The following DIAPH2 variants were observed in gnomAD, a reference collection of about 807,000 sequenced individuals.
The protein encoded by DIAPH2 is diaphanous related formin 2.
A neutral mutation model predicts 92.7 loss-of-function variants in DIAPH2; 35 were observed. The observed-to-expected ratio is 0.38, with a 90% confidence interval of 0.29 to 0.50. The LOEUF (loss-of-function observed/expected upper bound fraction) is 0.50. DIAPH2 is among the 20% of genes least tolerant of loss of function. The pLI, the probability that DIAPH2 is intolerant of heterozygous loss-of-function variation, is 0.94. For synonymous variants in DIAPH2, 301 were observed against 280.4 expected (o/e 1.07, Z -0.73); for missense variants, 701 against 819.5 (o/e 0.86, Z 1.77).
chrX:97,334,847 G>A (rs2069038702), intron 23 of DIAPH2, among the ~76,000 whole-genome samples: 1 of 107,602 alleles, frequency 9.3e-6, no homozygotes, highest in South Asian at 4.2e-4. Context: ...CGGGTGTGGT[G>A]GCAGGCGCCT....
chrX:97,082,820 T>A (rs1260141116), intron 19 of DIAPH2, among the ~76,000 whole-genome samples: 5 of 111,541 alleles, frequency 4.5e-5, no homozygotes, highest in Non-Finnish European at 7.5e-5. Context: ...GCCTAAGAGA[T>A]TCAGGGTACA....
chrX:96,824,425 G>A (rs758643326), intron 4 of DIAPH2, among the ~76,000 whole-genome samples: 1 of 109,807 alleles, frequency 9.1e-6, no homozygotes, highest in Non-Finnish European at 1.9e-5. Flanking sequence ...ACATCTTCCC[G>A]TCTGCTCTTC....
chrX:97,440,516 C>T (rs147383099), intron 26 of DIAPH2, among the ~76,000 whole-genome samples: 1,115 of 104,193 alleles, frequency 0.011, 14 homozygotes, highest in African/African-American at 0.037. Flanking sequence ...CGCTTGAACC[C>T]GGGAGGTGGA....
intron 23 of DIAPH2, among the ~76,000 whole-genome samples, chrX:97,261,435 A>C (rs2068287217): frequency 1.8e-5 from 2 of 112,512 alleles, no homozygotes; most frequent in Admixed American, 1.9e-4. Context: ...CTCTCAATTT[A>C]TGACTGATTC....
At chrX:96,857,606 C>T (rs1056860733) in intron 4 of DIAPH2, among the ~76,000 whole-genome samples, 1 of 112,058 alleles carries the variant, frequency 8.9e-6, no homozygotes, top group African/African-American at 3.2e-5. Flanking sequence ...ACATACATTT[C>T]GAAAGTTATG....
intron 17 of DIAPH2, among the ~76,000 whole-genome samples, chrX:96,996,858 A>G (rs1424889754): frequency 8.9e-6 from 1 of 112,368 alleles, no homozygotes; most frequent in African/African-American, 3.2e-5. Flanking sequence ...TTAGATACCC[A>G]CAGTTTGATC....
At chrX:96,754,923 CAAAAAAAAAAAAAAAA>C (rs1007573600) in intron 3 of DIAPH2, among the ~76,000 whole-genome samples, 5 of 16,007 alleles carry the variant, frequency 3.1e-4, no homozygotes, top group Non-Finnish European at 5.4e-4. Flanking sequence ...GTCTCCACCT[CAAAAAAAAAAAAAAAA>C]AAAAAAAAAA....
chrX:97,323,232 A>G (rs1338467904), intron 23 of DIAPH2, among the ~76,000 whole-genome samples: 2 of 104,934 alleles, frequency 1.9e-5, no homozygotes, highest in Non-Finnish European at 2.0e-5. Context: ...AAGAACTGGC[A>G]TAGGCCGGGC....
chrX:97,095,177 C>T (rs1284157271), intron 19 of DIAPH2, among the ~76,000 whole-genome samples: 3 of 77,298 alleles, frequency 3.9e-5, no homozygotes, highest in South Asian at 1.0e-3. Flanking sequence ...AGTGCAGTGG[C>T]GCTATCTTGG....
At position 96,930,850 on chromosome X, in the gene DIAPH2, T is replaced by G. The variant is rs1215393548; in HGVS notation, c.1089+7T>G. ...ACTAAAAACAATGTTACCAGTAAGT[T>G]GAATGTATACATTTATTATGCTGAT... On this transcript the variant is annotated splice_region_variant and intron_variant, in intron 10 of 26. Coordinates refer to ENST00000324765, the MANE Select transcript of DIAPH2 (RefSeq NM_006729.5). 1.7e-6 allele frequency: 2 copies of G among 1,173,398 alleles called. No individual in the cohort carries two copies. The highest frequency in any genetic ancestry group is 3.1e-5 in the East Asian group (1 of 32,155).
intron 26 of DIAPH2, among the ~76,000 whole-genome samples, chrX:97,502,139 A>G (rs1411200107): frequency 8.9e-6 from 1 of 111,933 alleles, no homozygotes; most frequent in Non-Finnish European, 1.9e-5. Flanking sequence ...TCTCCAAATA[A>G]TGTCTGTTTT....
At chrX:97,071,659 A>G (rs1361993848) in intron 17 of DIAPH2, among the ~76,000 whole-genome samples, 1 of 111,834 alleles carries the variant, frequency 8.9e-6, no homozygotes. Flanking sequence ...TACCATTAAA[A>G]CAAAGGAAGT....
chrX:96,962,546 T>C (rs1399591668), intron 16 of DIAPH2, among the ~76,000 whole-genome samples: 1 of 95,739 alleles, frequency 1.0e-5, no homozygotes, highest in East Asian at 3.2e-4. Flanking sequence ...CTTTTTACTA[T>C]TTTTGACTTA....
intron 10 of DIAPH2, among the ~76,000 whole-genome samples, chrX:96,934,276 A>G (rs2065642407): frequency 8.9e-6 from 1 of 111,835 alleles, no homozygotes; most frequent in Non-Finnish European, 1.9e-5. Flanking sequence ...TATGCAGTGA[A>G]GCTTAATAAT....
chrX:97,499,635 G>A, intron 26 of DIAPH2, among the ~76,000 whole-genome samples: 1 of 111,794 alleles, frequency 8.9e-6, no homozygotes, highest in African/African-American at 3.3e-5. Flanking sequence ...CTATGAAAAA[G>A]ACACCTGTAC....
intron 26 of DIAPH2, among the ~76,000 whole-genome samples, chrX:97,532,373 G>T (rs2071066121): frequency 8.9e-6 from 1 of 112,692 alleles, no homozygotes; most frequent in African/African-American, 3.2e-5. Flanking sequence ...GCAGTTTGGT[G>T]AGCTGTAAAA....
chrX:97,171,716 G>A (rs1031044319), intron 22 of DIAPH2, among the ~76,000 whole-genome samples: 5 of 111,727 alleles, frequency 4.5e-5, no homozygotes, highest in Non-Finnish European at 9.4e-5. Context: ...CGCGACGGGC[G>A]GATCACAAGG....
intron 4 of DIAPH2, among the ~76,000 whole-genome samples, chrX:96,806,646 C>CAAAAAAAAAAAAA (rs1234663626): frequency 5.5e-4 from 19 of 34,413 alleles, no homozygotes; most frequent in East Asian, 1.4e-3. Context: ...AACTCCATCT[C>CAAAAAAAAAAAAA]AAAAAAAAAA....
intron 17 of DIAPH2, among the ~76,000 whole-genome samples, chrX:96,966,253 T>C (rs1236802371): frequency 1.8e-5 from 2 of 111,904 alleles, no homozygotes; most frequent in African/African-American, 6.5e-5. Flanking sequence ...GGCCTACCTT[T>C]CTTTTTTCTC....
Sources: allele counts gnomAD v4.1 joint callset (sites outside exome capture counted in the v4.1 genomes callset), GRCh38; gene constraint gnomAD v4.1.1; transcripts MANE v1.5; gene names NCBI Gene and HGNC (gene_info 2026-07-23, HGNC 2026-07-21).